GAS7: variants seen among roughly 807,000 people sequenced by gnomAD.
GAS7 encodes the protein growth arrest-specific protein 7.
GAS7 carries 28 observed loss-of-function variants against 71.1 expected under a neutral mutation model. That is an observed-to-expected ratio of 0.39 (90% CI 0.29 to 0.54). GAS7 has a LOEUF of 0.54. Among genes scored for constraint, GAS7 ranks in the 20% least tolerant of loss-of-function variants. The pLI is 0.62. For synonymous variants in GAS7, 258 were observed against 245.8 expected (o/e 1.05, Z -0.46); for missense variants, 436 against 627.8 (o/e 0.69, Z 3.27).
At chr17:10,131,969 G>A (rs2142087578) in intron 1 of GAS7, among the ~76,000 whole-genome samples, 1 of 152,322 alleles carries the variant, frequency 6.6e-6, no homozygotes, top group Non-Finnish European at 1.5e-5. Context: ...ATGTGCTCAT[G>A]AGTGTATTAA....
At chr17:10,060,499 C>G (rs1028067676) in intron 1 of GAS7, among the ~76,000 whole-genome samples, 2 of 152,110 alleles carry the variant, frequency 1.3e-5, no homozygotes, top group Non-Finnish European at 2.9e-5. Context: ...CATGGAATAA[C>G]CCTGTCACTT....
chr17:10,133,274 C>T (rs1384622863), intron 1 of GAS7, among the ~76,000 whole-genome samples: 4 of 151,920 alleles, frequency 2.6e-5, no homozygotes, highest in African/African-American at 9.7e-5. Flanking sequence ...AGGCAGGTGC[C>T]ACTACACCCA....
In GAS7 at chr17:9,974,226, C is replaced by T. The variant is rs556144998; in HGVS notation, c.386-4464G>A. Among the ~76,000 whole-genome samples, 6 of 152,216 alleles carry T rather than the reference C, an allele frequency of 3.9e-5. No individual in the cohort carries two copies. Among genetic ancestry groups the T allele is most frequent in the South Asian group, 2.1e-4 (1 of 4,834 alleles). On this transcript the variant is annotated intron_variant, in intron 3 of 13. Transcript: ENST00000432992. The surrounding 1 kb of genome is among the most constrained non-coding windows in gnomAD (Gnocchi z 4.0). ...TTTCTCCCCACGTAGCAGCTCTCCT[C>T]GGACACCCTGTCTGGCTGCGTTATC...
intron 9 of GAS7, among the ~76,000 whole-genome samples, chr17:9,927,719 G>A (rs1005960585): frequency 6.6e-6 from 1 of 152,164 alleles, no homozygotes; most frequent in Non-Finnish European, 1.5e-5. Flanking sequence ...TCAATTAGAA[G>A]GTCTCAGGTC....
intron 1 of GAS7, among the ~76,000 whole-genome samples, chr17:10,100,189 T>C (rs931785768): frequency 1.3e-5 from 2 of 152,252 alleles, no homozygotes; most frequent in Admixed American, 1.3e-4. Context: ...CATCCTTGAC[T>C]TTTTGTGGTT....
intron 1 of GAS7, among the ~76,000 whole-genome samples, chr17:10,136,470 G>A (rs1319772296): frequency 1.3e-5 from 2 of 152,170 alleles, no homozygotes; most frequent in Non-Finnish European, 2.9e-5. Context: ...AGGCAGCGCG[G>A]CTGATGCATT....
rs1394073916 is a variant in GAS7 at position 9,916,804 on chromosome 17, C to A, written c.*424G>T. On this transcript the variant is annotated 3_prime_UTR_variant, in exon 14 of 14. Transcript: ENST00000432992. ...CTTCTACCCATGATTCTGATCCTGA[C>A]ACCTGGCTTAGAGACAGAGCCCTCC... is the stretch of plus-strand genomic sequence containing the variant. 1.2e-5 allele frequency: 5 copies of A among 404,176 alleles called. No homozygotes were observed. Among genetic ancestry groups the A allele is most frequent in the Non-Finnish European group, 2.2e-5 (5 of 229,456 alleles). 25.0% of individuals were successfully genotyped at this position (404,176 alleles called of 1,614,324 possible). A position where few individuals can be genotyped will look rare whatever the true frequency, so the allele number is the denominator to read the frequency against.
At chr17:10,091,687 G>C (rs1040816067) in intron 1 of GAS7, among the ~76,000 whole-genome samples, 1 of 151,850 alleles carries the variant, frequency 6.6e-6, no homozygotes, top group Non-Finnish European at 1.5e-5. Context: ...CGCCCAGCTG[G>C]GGTTTTGTTT....
At chr17:10,075,603 T>C (rs994392400) in intron 1 of GAS7, among the ~76,000 whole-genome samples, 2 of 151,900 alleles carry the variant, frequency 1.3e-5, no homozygotes, top group African/African-American at 4.8e-5. Context: ...AATACCAGCC[T>C]GGGCAATATA....
chr17:10,093,659 C>T (rs1318170512), intron 1 of GAS7, among the ~76,000 whole-genome samples: 1 of 152,054 alleles, frequency 6.6e-6, no homozygotes, highest in Non-Finnish European at 1.5e-5. Flanking sequence ...CCTCCCACCA[C>T]CTGCAATCCT....
rs1597501367 is a variant in GAS7 at position 9,944,155 on chromosome 17, T to C, written c.616-919A>G. Among the ~76,000 whole-genome samples, 4 of 152,208 alleles carry C rather than the reference T, an allele frequency of 2.6e-5. No homozygotes were observed. The South Asian group carries it at 8.3e-4, about 31-fold the overall frequency. The stretch of plus-strand genomic sequence containing the variant: ...TTCTTCAAGCATACCAAATGCCCCT[T>C]CCCTGCCATTCCCCTGCCTGAGATT... On this transcript the variant is annotated intron_variant, in intron 6 of 13. Transcript: ENST00000432992.
intron 4 of GAS7, among the ~76,000 whole-genome samples, chr17:9,967,497 G>A (rs57769292): frequency 0.023 from 3,492 of 152,212 alleles, 131 homozygotes; most frequent in African/African-American, 0.073. Flanking sequence ...GATCTCAGAC[G>A]CAGACAGAGC....
intron 1 of GAS7, among the ~76,000 whole-genome samples, chr17:10,181,621 G>A (rs903480276): frequency 2.0e-5 from 3 of 152,076 alleles, no homozygotes; most frequent in Non-Finnish European, 4.4e-5. Flanking sequence ...GGTCATGAAG[G>A]GCTTGTAAAC....
chr17:10,188,151 G>A (rs947716091), intron 1 of GAS7, among the ~76,000 whole-genome samples: 4 of 152,034 alleles, frequency 2.6e-5, no homozygotes, highest in South Asian at 2.1e-4. Flanking sequence ...GCGGAGGCAG[G>A]GGAATTACTT....
intron 1 of GAS7, among the ~76,000 whole-genome samples, chr17:10,039,999 TCCTC>T (rs954340961): frequency 3.9e-5 from 6 of 152,174 alleles, no homozygotes; most frequent in African/African-American, 1.2e-4. Flanking sequence ...GGGGGACTCT[TCCTC>T]CCTCTCTAAT....
chr17:10,184,081 G>A (rs2074435632), intron 1 of GAS7, among the ~76,000 whole-genome samples: 1 of 152,178 alleles, frequency 6.6e-6, no homozygotes, highest in African/African-American at 2.4e-5. Context: ...TTATCCCCTT[G>A]GAACTGATAA....
chr17:10,095,985 G>A (rs1237934147), intron 1 of GAS7, among the ~76,000 whole-genome samples: 1 of 151,854 alleles, frequency 6.6e-6, no homozygotes, highest in African/African-American at 2.4e-5. Flanking sequence ...TGTGCCCATT[G>A]CGGGTATGTT....
chr17:10,036,710 TAAC>T (rs1420072312), intron 1 of GAS7: 1 of 1,295,718 alleles, frequency 7.7e-7, no homozygotes, highest in Non-Finnish European at 9.8e-7. Context: ...GCTGGGAAAT[TAAC>T]AACTTGTTCT....
At chr17:10,071,639 T>TA in intron 1 of GAS7, among the ~76,000 whole-genome samples, 1 of 152,040 alleles carries the variant, frequency 6.6e-6, no homozygotes. Flanking sequence ...AAAAAACAAA[T>TA]AAAGGCCAGG....
Sources: gnomAD v4.1 joint callset for allele counts (sites outside exome capture counted in the v4.1 genomes callset) on GRCh38, gnomAD v4.1.1 for gene constraint, Gnocchi (gnomAD v3.1) non-coding constraint, MANE v1.5 for transcripts, NCBI Gene and HGNC (gene_info 2026-07-23, HGNC 2026-07-21) for gene names.